The following CCNB2 variants were observed in gnomAD, a reference collection of about 807,000 sequenced individuals.
CCNB2 encodes cyclin B2, also known as G2/mitotic-specific cyclin-B2.
Under a neutral mutation model 51.1 loss-of-function variants are expected in CCNB2, and 39 were observed. The observed-to-expected ratio is 0.76, with a 90% CI of 0.59 to 1.00. The LOEUF (loss-of-function observed/expected upper bound fraction) is 1.00. CCNB2 is among the 50% of genes least tolerant of loss of function. CCNB2 has a pLI of 0.00. For missense variants in CCNB2, 472 were observed against 470.3 expected, an observed-to-expected ratio of 1.00 and a Z score of -0.03; for synonymous variants, 174 against 165.5, an observed-to-expected ratio of 1.05 and a Z score of -0.40.
At chr15:59,109,468 C>G (rs2079249477) in intron 3 of CCNB2, among the ~76,000 whole-genome samples, 1 of 152,046 alleles carries the variant, frequency 6.6e-6, no homozygotes, top group Non-Finnish European at 1.5e-5. Context: ...CTAGTTAAAT[C>G]CATTTAAGGA....
rs1327922333 is a variant in CCNB2, at chr15:59,105,389, C to T, written c.24+97C>T. 11 of 1,363,906 alleles carry T rather than the reference C, an allele frequency of 8.1e-6. No individual in the cohort carries two copies. The East Asian group carries it at 1.8e-4, about 22-fold the overall frequency. The allele number at this position is 1,363,906 out of a possible 1,614,324, so 84.5% of individuals were successfully genotyped here. A position where few individuals can be genotyped will look rare whatever the true frequency, so the allele number is the denominator to read the frequency against. On this transcript the variant is annotated intron_variant, in intron 1 of 8. Transcript: ENST00000288207. The stretch of plus-strand genomic sequence containing the variant: ...CTGCTCCGAGCTTCTCCGTCCCAAC[C>T]GGGGCTGCTTTTCTCTTCTCCGGAG...
chr15:59,116,873 T>A lies in CCNB2; in HGVS notation c.781T>A (p.Leu261Met), dbSNP rs1445664193. 1 of 1,614,134 alleles carries A rather than the reference T, an allele frequency of 6.2e-7. No individual in the cohort carries two copies. The change falls in exon 6 of 9, where the codon TTG (leucine) becomes ATG (methionine). Residue 261 changes from leucine to methionine, a missense_variant. Transcript: ENST00000288207. ...AATTTTGAAAGAATTGAAATTTGAGTTGGGTCGACCCTTGCCACTACACTT... is the reference window on the plus strand; with the variant it reads ...AATTTTGAAAGAATTGAAATTTGAGATGGGTCGACCCTTGCCACTACACTT... ...TLILKELKFE[L>M]GRPLPLHFLR...
At chr15:59,117,166 A>G in intron 6 of CCNB2, 62 bp from the exon 7 acceptor site, 1 of 1,565,128 alleles carries the variant, frequency 6.4e-7, no homozygotes, top group Non-Finnish European at 8.7e-7. Flanking sequence ...GCCTTCACGC[A>G]GAATTTTGCA....
chr15:59,118,177 A>C (rs912271680), intron 7 of CCNB2, among the ~76,000 whole-genome samples: 5 of 152,242 alleles, frequency 3.3e-5, no homozygotes, highest in African/African-American at 1.2e-4. Flanking sequence ...AGCCACTTGT[A>C]GATTTAGAAG....
chr15:59,107,755 C>T lies in CCNB2; in HGVS notation c.267+85C>T, dbSNP rs935435026. ...CAAGGGTGCCTTTATCATTGCTGTACCTTCTAACGAACATTCATAGCTGGA... is the reference window on the plus strand; with the variant it reads ...CAAGGGTGCCTTTATCATTGCTGTATCTTCTAACGAACATTCATAGCTGGA... On this transcript the variant is annotated intron_variant, in intron 3 of 8. Coordinates refer to ENST00000288207, the MANE Select transcript of CCNB2 (RefSeq NM_004701.4). The T allele has an allele frequency of 1.1e-5, 10 of 946,406 alleles. No homozygotes were observed. In the East Asian group the frequency reaches 2.5e-4, roughly 23 times the overall value. The allele number at this position is 946,406 out of a possible 1,614,324, so 58.6% of individuals were successfully genotyped here.
In CCNB2 at chr15:59,105,258, C is replaced by T; in HGVS notation, c.-11C>T. ...TGGGCCGGGCTGGCACTCTTGCCTT[C>T]CCCGTCCCTCATGGCGCTGCTCCGA... On this transcript the variant is annotated 5_prime_UTR_variant, in exon 1 of 9. Coordinates refer to ENST00000288207, the MANE Select transcript of CCNB2 (RefSeq NM_004701.4). 6.4e-7 allele frequency: 1 copy of T among 1,566,276 alleles called. No individual in the cohort carries two copies. The highest frequency in any genetic ancestry group is 8.6e-7 in the Non-Finnish European group (1 of 1,158,092).
chr15:59,117,319 C>T lies in CCNB2; in HGVS notation c.926C>T (p.Ala309Val), dbSNP rs1430731195. ...GTGCATTATCATCCTTCTAAGGTAG[C>T]AGCAGCTGCTTCCTGCTTGTCTCAG... ...DMVHYHPSKV[A>V]AAASCLSQKV... The change falls in exon 7 of 9, where the codon GCA (alanine) becomes GTA (valine). Residue 309 changes from alanine to valine, a missense_variant. Coordinates refer to ENST00000288207, the MANE Select transcript of CCNB2 (RefSeq NM_004701.4). 9 of 1,613,894 alleles carry T rather than the reference C, an allele frequency of 5.6e-6. No homozygotes were observed. Among genetic ancestry groups the T allele is most frequent in the Non-Finnish European group, 7.6e-6 (9 of 1,179,928 alleles).
chr15:59,107,330 T>C lies in CCNB2; in HGVS notation c.33T>C (p.Ser11=). 6.3e-7 allele frequency: 1 copy of C among 1,579,654 alleles called. No individual in the cohort carries two copies. Among genetic ancestry groups the C allele is most frequent in the Admixed American group, 1.8e-5 (1 of 54,198 alleles). Residue 11 remains serine (S), a synonymous_variant, in exon 2 of 9, where the codon AGT becomes AGC. Transcript: ENST00000288207. ...TTTTTTTTTTTTTTCAGGTGTCCAGTGATTTGGAGAATATTGACACAGGAG... is the reference window on the plus strand; with the variant it reads ...TTTTTTTTTTTTTTCAGGTGTCCAGCGATTTGGAGAATATTGACACAGGAG... MALLRRPTVS[S]DLENIDTGVN...
At position 59,107,587 on chromosome 15, in the gene CCNB2, C is replaced by T. The variant is rs1566955249; in HGVS notation, c.184C>T (p.Pro62Ser). ...TCAGAACACCAAAGTTCCAGTTCAACCCACCAAAACAACAAATGTCAACAA... is the reference window on the plus strand; with the variant it reads ...TCAGAACACCAAAGTTCCAGTTCAATCCACCAAAACAACAAATGTCAACAA... The part of the protein sequence containing the change: ...KAQNTKVPVQ[P>S]TKTTNVNKQL... The change falls in exon 3 of 9, where the codon CCC becomes TCC. Residue 62 changes from proline (P) to serine (S), a missense_variant. Physicochemically the swap from Pro to Ser is moderately conservative, Grantham distance 74. Coordinates refer to ENST00000288207, the MANE Select transcript of CCNB2 (RefSeq NM_004701.4). 1.2e-6 allele frequency: 2 copies of T among 1,614,128 alleles called. No individual in the cohort carries two copies. Among genetic ancestry groups the T allele is most frequent in the Non-Finnish European group, 1.7e-6 (2 of 1,180,020 alleles).
At chr15:59,121,144 T>A (rs8036907) in intron 7 of CCNB2, 42,800 of 152,048 alleles carry the variant, frequency 0.28, 6,086 homozygotes, top group East Asian at 0.4. Flanking sequence ...TTAGCAGGGA[T>A]GTGCTGTGAT....
At chr15:59,120,981 G>A (rs2079299727) in intron 7 of CCNB2, 1 of 151,904 alleles carries the variant, frequency 6.6e-6, no homozygotes, top group African/African-American at 2.4e-5. Context: ...ATTAAATCTT[G>A]AGGAAATATG....
chr15:59,117,216 GTTCT>G lies in CCNB2; in HGVS notation c.835-6_835-3del. On this transcript the variant is annotated splice_region_variant and splice_polypyrimidine_tract_variant and intron_variant, in intron 6 of 8. Transcript: ENST00000288207. ...CTTGTGATTCTTACTATCCCTTGCTGTTCTTTCTTAGGTTGATGTTGAACAGCAC... is the reference window on the plus strand; with the variant it reads ...CTTGTGATTCTTACTATCCCTTGCTGTTCTTAGGTTGATGTTGAACAGCAC... 5.0e-6 allele frequency: 8 copies of G among 1,610,464 alleles called. No homozygotes were observed. Among genetic ancestry groups the G allele is most frequent in the Non-Finnish European group, 6.8e-6 (8 of 1,178,662 alleles).
At chr15:59,109,325 G>A (rs775887806) in intron 3 of CCNB2, among the ~76,000 whole-genome samples, 11 of 151,916 alleles carry the variant, frequency 7.2e-5, no homozygotes, top group Non-Finnish European at 1.0e-4. Context: ...TGCGCCTGGC[G>A]GTAGTATATT....
rs1347983665 is a variant in CCNB2 at position 59,117,018 on chromosome 15, C to T, written c.834+92C>T. 2.5e-5 allele frequency: 29 copies of T among 1,140,634 alleles called. No homozygotes were observed. In the East Asian group the frequency reaches 2.6e-4, roughly 10 times the overall value. The allele number at this position is 1,140,634 out of a possible 1,614,324, so 70.7% of individuals were successfully genotyped here. Reference sequence around the variant, plus strand: ...ATTTAAGGAAAGCTTATTTATAGGACGCTTCCTTTAGGTAAGTCTTAATGC... The same window carrying T: ...ATTTAAGGAAAGCTTATTTATAGGATGCTTCCTTTAGGTAAGTCTTAATGC... On this transcript the variant is annotated intron_variant, in intron 6 of 8. Transcript: ENST00000288207.
At chr15:59,123,702 G>GT in intron 8 of CCNB2, 75 bp downstream of exon 8, 3 of 677,802 alleles carry the variant, frequency 4.4e-6, no homozygotes, top group South Asian at 1.6e-5. Context: ...GCGGGGGGGG[G>GT]CGGTGTGTGC....
At chr15:59,110,637 T>C (rs148753922) in intron 3 of CCNB2, among the ~76,000 whole-genome samples, 257 of 152,316 alleles carry the variant, frequency 1.7e-3, no homozygotes, top group African/African-American at 6.0e-3. Context: ...GTGTCCATGA[T>C]AGGAGATGTT....
At chr15:59,115,231 A>G (rs1178591993) in intron 5 of CCNB2, among the ~76,000 whole-genome samples, 1 of 152,092 alleles carries the variant, frequency 6.6e-6, no homozygotes, top group African/African-American at 2.4e-5. Context: ...CACAATTTCC[A>G]TAGTTTGGTG....
chr15:59,115,057 C>T (rs567840633), intron 5 of CCNB2, among the ~76,000 whole-genome samples, 181 bp downstream of exon 5: 2 of 152,256 alleles, frequency 1.3e-5, no homozygotes, highest in East Asian at 3.9e-4. Flanking sequence ...TTTGATGATG[C>T]GGACCAATAA....
Position 59,114,346 on chromosome 15 carries a change from T to C in CCNB2, c.268-98T>C, listed in dbSNP as rs191124591. The C allele has an allele frequency of 2.4e-5, 20 of 850,706 alleles. No homozygotes were observed. In the East Asian group the frequency reaches 5.0e-4, roughly 21 times the overall value. The allele number at this position is 850,706 out of a possible 1,614,324, so 52.7% of individuals were successfully genotyped here. A position where few individuals can be genotyped will look rare whatever the true frequency, so the allele number is the denominator to read the frequency against. ...TGAAATTTGTTGTGTCTTTAACATA[T>C]TTCAGATGTGCGTATGATATTGATA... On this transcript the variant is annotated intron_variant, in intron 3 of 8. Transcript: ENST00000288207.
Sources: allele counts gnomAD v4.1 joint callset (sites outside exome capture counted in the v4.1 genomes callset), GRCh38; gene constraint gnomAD v4.1.1; transcripts MANE v1.5; gene names NCBI Gene and HGNC (gene_info 2026-07-23, HGNC 2026-07-21).